The following LGSN variants were observed in gnomAD, a reference collection of about 807,000 sequenced individuals.
LGSN encodes the protein lengsin.
In LGSN, 21 loss-of-function variants were observed where a neutral mutation model predicts 19.5. That is an observed-to-expected ratio of 1.07 (90% CI 0.76 to 1.55). The LOEUF (loss-of-function observed/expected upper bound fraction) is 1.55. Among genes scored for constraint, LGSN ranks in the 40% most tolerant of loss-of-function variants. The pLI, the probability that LGSN is intolerant of heterozygous loss-of-function variation, is 0.00. For synonymous variants in LGSN, 257 were observed against 215.6 expected (o/e 1.19, Z -1.68); for missense variants, 673 against 608.5 (o/e 1.11, Z -1.12).
the LGSN span, among the ~76,000 whole-genome samples, chr6:63,538,395 T>C: frequency 6.6e-6 from 1 of 152,210 alleles, no homozygotes; most frequent in Non-Finnish European, 1.5e-5. Flanking sequence ...GACTGAATGA[T>C]TTAGCAATTG....
intron 1 of LGSN, among the ~76,000 whole-genome samples, chr6:63,311,148 C>T (rs538521466): frequency 6.6e-6 from 1 of 152,280 alleles, no homozygotes; most frequent in East Asian, 1.9e-4. Flanking sequence ...CCATGTTTAT[C>T]TCCTGTTACA....
the LGSN span, among the ~76,000 whole-genome samples, chr6:63,420,051 AAATTAGCTGGG>A: frequency 6.6e-6 from 1 of 151,576 alleles, no homozygotes; most frequent in Non-Finnish European, 1.5e-5. Flanking sequence ...AAATACAAAA[AAATTAGCTGGG>A]CATGATGGCA....
At chr6:63,454,443 G>A in the LGSN span, among the ~76,000 whole-genome samples, 1 of 150,648 alleles carries the variant, frequency 6.6e-6, no homozygotes, top group Non-Finnish European at 1.5e-5. Flanking sequence ...CTTGAGGCCA[G>A]CTCTATACTA....
the LGSN span, among the ~76,000 whole-genome samples, chr6:63,531,521 T>C: frequency 6.7e-6 from 1 of 150,092 alleles, no homozygotes; most frequent in African/African-American, 2.4e-5. Context: ...GCTTTTTTTT[T>C]TTTTTTTTTT....
At chr6:63,357,469 T>A in the LGSN span, among the ~76,000 whole-genome samples, 2 of 152,206 alleles carry the variant, frequency 1.3e-5, no homozygotes, top group African/African-American at 4.8e-5. Context: ...GTGTTCCTAT[T>A]TCTCCACATC....
In LGSN at chr6:63,279,107, T is replaced by A. The variant is rs1767189358; in HGVS notation, c.*914A>T. 6.6e-6 allele frequency: 1 copy of A among 152,232 alleles called. No individual in the cohort carries two copies. The highest frequency in any genetic ancestry group is 1.5e-5 in the Non-Finnish European group (1 of 68,036). 9.4% of individuals were successfully genotyped at this position (152,232 alleles called of 1,614,324 possible). ...CAACCTCTGTGAGCAGCAGATTCAG[T>A]AATTTGAATAACAAACTTAAACTCC... On this transcript the variant is annotated 3_prime_UTR_variant, in exon 4 of 4. Coordinates refer to ENST00000370657, the MANE Select transcript of LGSN (RefSeq NM_016571.3).
chr6:63,331,604 C>T, the LGSN span, among the ~76,000 whole-genome samples: 420 of 152,178 alleles, frequency 2.8e-3, 6 homozygotes, highest in Non-Finnish European at 1.3e-3. Context: ...CCCTGCTGAT[C>T]GGAATAGTTG....
At chr6:63,424,084 G>C in the LGSN span, among the ~76,000 whole-genome samples, 4 of 151,812 alleles carry the variant, frequency 2.6e-5, no homozygotes, top group Admixed American at 2.0e-4. Context: ...TAAAATTCTA[G>C]CAATACTGAC....
the LGSN span, among the ~76,000 whole-genome samples, chr6:63,398,496 G>T: frequency 6.6e-6 from 1 of 151,888 alleles, no homozygotes; most frequent in Non-Finnish European, 1.5e-5. Context: ...TTAGAATAAG[G>T]ATATAAAGAA....
At chr6:63,289,373 C>T (rs1050392170) in intron 2 of LGSN, among the ~76,000 whole-genome samples, 12 of 152,116 alleles carry the variant, frequency 7.9e-5, no homozygotes, top group South Asian at 2.1e-4. Flanking sequence ...GCATCATTGT[C>T]GGAATTTATT....
At chr6:63,425,587 G>A in the LGSN span, among the ~76,000 whole-genome samples, 1 of 152,100 alleles carries the variant, frequency 6.6e-6, no homozygotes, top group Non-Finnish European at 1.5e-5. Flanking sequence ...TAGAAATGGA[G>A]AATAAATCAG....
At chr6:63,326,640 C>T in the LGSN span, among the ~76,000 whole-genome samples, 88 of 152,326 alleles carry the variant, frequency 5.8e-4, no homozygotes, top group African/African-American at 2.1e-3. Flanking sequence ...GAGCACAGCG[C>T]TGGTGTGCTG....
At chr6:63,502,253 A>G in the LGSN span, among the ~76,000 whole-genome samples, 1 of 152,226 alleles carries the variant, frequency 6.6e-6, no homozygotes, top group Non-Finnish European at 1.5e-5. Context: ...TTAACTATCT[A>G]TTAGAGAAGT....
the LGSN span, among the ~76,000 whole-genome samples, chr6:63,439,017 T>C: frequency 1.3e-5 from 2 of 152,206 alleles, no homozygotes; most frequent in Non-Finnish European, 2.9e-5. Flanking sequence ...TGGAATACTA[T>C]GCAGCCATCA....
the LGSN span, among the ~76,000 whole-genome samples, chr6:63,446,812 G>A: frequency 6.6e-6 from 1 of 152,336 alleles, no homozygotes; most frequent in Non-Finnish European, 1.5e-5. Context: ...CACTTTGGGA[G>A]GCTGAGGCAG....
chr6:63,424,474 T>A, the LGSN span, among the ~76,000 whole-genome samples: 1 of 149,184 alleles, frequency 6.7e-6, no homozygotes, highest in East Asian at 1.9e-4. Flanking sequence ...CCAGTTTATT[T>A]TATAATGCTA....
chr6:63,551,323 C>T, the LGSN span, among the ~76,000 whole-genome samples: 2 of 152,134 alleles, frequency 1.3e-5, no homozygotes, highest in Admixed American at 1.3e-4. Context: ...GTCTTGGCCT[C>T]CTAAAGTGCT....
the LGSN span, among the ~76,000 whole-genome samples, chr6:63,412,197 T>C: frequency 6.6e-6 from 1 of 151,782 alleles, no homozygotes; most frequent in Non-Finnish European, 1.5e-5. Flanking sequence ...CAAAACCCTG[T>C]GTCTTCTAAA....
At chr6:63,357,199 A>G in the LGSN span, among the ~76,000 whole-genome samples, 1 of 152,104 alleles carries the variant, frequency 6.6e-6, no homozygotes, top group South Asian at 2.1e-4. Flanking sequence ...TCCATGGTGT[A>G]TATGTGCCAC....
Sources: gnomAD v4.1 joint callset for allele counts (sites outside exome capture counted in the v4.1 genomes callset) on GRCh38, gnomAD v4.1.1 for gene constraint, MANE v1.5 for transcripts, NCBI Gene and HGNC (gene_info 2026-07-23, HGNC 2026-07-21) for gene names.